Variants in NBPF11 observed in about 807,000 individuals in gnomAD.
NBPF11 encodes NBPF family member NBPF11.
NBPF11 carries 72 observed loss-of-function variants against 93.9 expected under a neutral mutation model. The ratio of observed to expected loss-of-function variants is 0.77; its 90% CI spans 0.63 to 0.93. The LOEUF (loss-of-function observed/expected upper bound fraction) is 0.93, where lower values mean the gene tolerates loss of function less well. Ranked by LOEUF, NBPF11 falls within the 40% of genes least tolerant of loss-of-function variation. The probability of loss-of-function intolerance (pLI) is 0.00; values close to 1 mark genes in which losing one functional copy is unlikely to be tolerated. For synonymous variants in NBPF11, 224 were observed against 304.9 expected (o/e 0.73, Z 2.76); for missense variants, 705 against 802.2 (o/e 0.88, Z 1.46).
intron 4 of NBPF11, chr1:148,129,408 C>T (rs1669909094): frequency 6.6e-6 from 1 of 151,190 alleles, no homozygotes; most frequent in African/African-American, 2.5e-5. Flanking sequence ...ATCGAGCTCT[C>T]CGCCTCCCCC....
At chr1:148,142,088 A>G (rs1460330900) in intron 2 of NBPF11, among the ~76,000 whole-genome samples, 70 of 131,024 alleles carry the variant, frequency 5.3e-4, no homozygotes, top group African/African-American at 2.0e-3. Context: ...AAGGGAGGGA[A>G]GGCAGAAGGG....
Position 148,126,978 on chromosome 1 carries a change from G to C in NBPF11, c.26C>G (p.Ser9Cys), listed in dbSNP as rs1553273320. MVVSAGPWSSEKAEMNILE... is the reference protein window; with the variant it reads MVVSAGPWCSEKAEMNILE... ...AATGTTCATCTCTGCCTTCTCGCTG[G>C]ACCAAGGGCCGGCTGATACCACCAT... Residue 9 changes from serine to cysteine, a missense_variant, in exon 5 of 24, where the codon TCC becomes TGC. By Grantham distance (112) the Ser-to-Cys change is moderately radical. This residue lies in a region of NBPF11 where 128 missense variants were observed against 112.8 expected (regional missense o/e 1.14). Coordinates refer to ENST00000682118, the MANE Select transcript of NBPF11 (RefSeq NM_001385469.3). 6.2e-4 allele frequency: 497 copies of C among 795,758 alleles called. 10 individuals are homozygous for C. Among genetic ancestry groups the C allele is most frequent in the African/African-American group, 2.0e-3 (94 of 45,936 alleles). 49.3% of individuals were successfully genotyped at this position (795,758 alleles called of 1,614,324 possible).
intron 22 of NBPF11, among the ~76,000 whole-genome samples, chr1:148,104,879 T>C (rs1190167844): frequency 1.3e-5 from 2 of 148,938 alleles, no homozygotes; most frequent in East Asian, 3.9e-4. Flanking sequence ...CCCAATATCA[T>C]TTGTCCCAAG....
chr1:148,136,015 C>G (rs1273511108), intron 3 of NBPF11, among the ~76,000 whole-genome samples: 2 of 151,860 alleles, frequency 1.3e-5, no homozygotes, highest in African/African-American at 4.9e-5. Flanking sequence ...GTATCCCATG[C>G]TCATGTCCCT....
At chr1:148,145,198 T>C (rs1383597760) in intron 1 of NBPF11, among the ~76,000 whole-genome samples, 1 of 129,684 alleles carries the variant, frequency 7.7e-6, no homozygotes, top group South Asian at 2.4e-4. Flanking sequence ...TTCTTTTTTC[T>C]TTCTTTTTTT....
rs1435143148 is a variant in NBPF11 at position 148,122,187 on chromosome 1, C to T, written c.646G>A (p.Gly216Ser). Reference protein sequence around the residue: ...ECAITCSNSHGPCDSIQPHKN... With the variant: ...ECAITCSNSHSPCDSIQPHKN... ...TGAGGCTGGATGGAGTCACAAGGGCCGTGGCTATTTGAACAAGTGATGGCA... is the reference window on the plus strand; with the variant it reads ...TGAGGCTGGATGGAGTCACAAGGGCTGTGGCTATTTGAACAAGTGATGGCA... The change falls in exon 9 of 24, where the codon GGC becomes AGC. Residue 216 changes from glycine to serine, a missense_variant. Coordinates refer to ENST00000682118, the MANE Select transcript of NBPF11 (RefSeq NM_001385469.3). 2.7e-5 allele frequency: 43 copies of T among 1,612,574 alleles called. No homozygotes were observed. The highest frequency in any genetic ancestry group is 8.0e-5 in the African/African-American group (6 of 74,650).
At position 148,125,512 on chromosome 1, in the gene NBPF11, C is replaced by A. The variant is rs1174588320; in HGVS notation, c.176-511G>T. On this transcript the variant is annotated intron_variant, in intron 5 of 23. Transcript: ENST00000682118. ...ATGGTTTTAAGAATCATATCTGAAG[C>A]CTAAAGTGTGAGACATAAGACAATA... 1.6e-4 allele frequency among the ~76,000 whole-genome samples: 24 copies of A among 151,776 alleles called. 1 individual carries two copies. The highest frequency in any genetic ancestry group is 5.6e-4 in the African/African-American group (23 of 41,154).
At chr1:148,105,963 GA>G (rs1663502620) in intron 21 of NBPF11, among the ~76,000 whole-genome samples, 1 of 145,184 alleles carries the variant, frequency 6.9e-6, no homozygotes, top group African/African-American at 2.7e-5. Context: ...TACAGTTTTT[GA>G]AGTCTGGTCC....
Position 148,118,543 on chromosome 1 carries a change from A to T in NBPF11, c.1091+77T>A, listed in dbSNP as rs1312738329. ...CTTCCCCTGGCCCAGCTTAGCTCTT[A>T]CGTCTCCCCACTGAGCTACTGTACT... On this transcript the variant is annotated intron_variant, in intron 11 of 23. Transcript: ENST00000682118. The T allele has an allele frequency of 2.8e-6, 4 of 1,408,502 alleles. No homozygotes were observed. The African/African-American group carries it at 5.6e-5, about 20-fold the overall frequency. The allele number at this position is 1,408,502 out of a possible 1,614,324, so 87.3% of individuals were successfully genotyped here.
At chr1:148,139,228 A>G (rs1671819179) in intron 2 of NBPF11, among the ~76,000 whole-genome samples, 1 of 150,932 alleles carries the variant, frequency 6.6e-6, no homozygotes, top group East Asian at 1.9e-4. Flanking sequence ...AAGGTTTGGT[A>G]ACAAATACCA....
At chr1:148,151,530 G>A (rs1230048375) in intron 1 of NBPF11, among the ~76,000 whole-genome samples, 1 of 152,030 alleles carries the variant, frequency 6.6e-6, no homozygotes, top group African/African-American at 2.4e-5. Context: ...TTCTTCCCCA[G>A]CGCCCACGAG....
In NBPF11 at chr1:148,149,099, C is replaced by T. The variant is rs1460453518; in HGVS notation, c.-549+2651G>A. On this transcript the variant is annotated intron_variant, in intron 1 of 23. Coordinates refer to ENST00000682118, the MANE Select transcript of NBPF11 (RefSeq NM_001385469.3). Reference sequence around the variant, plus strand: ...ATCCGGAGCTGGGCCCGGGGACGCCCGCTGGTGGGAAGGGTGCGCGCGCGT... The same window carrying T: ...ATCCGGAGCTGGGCCCGGGGACGCCTGCTGGTGGGAAGGGTGCGCGCGCGT... 22 of 1,473,078 alleles carry T rather than the reference C, an allele frequency of 1.5e-5. No individual in the cohort carries two copies. The African/African-American group carries it at 1.9e-4, about 12-fold the overall frequency. 91.3% of individuals were successfully genotyped at this position (1,473,078 alleles called of 1,614,324 possible). A position where few individuals can be genotyped will look rare whatever the true frequency, so the allele number is the denominator to read the frequency against.
intron 1 of NBPF11, among the ~76,000 whole-genome samples, chr1:148,144,893 C>T (rs1247940177): frequency 6.6e-6 from 1 of 150,772 alleles, no homozygotes; most frequent in Non-Finnish European, 1.5e-5. Flanking sequence ...TACTTGAGCC[C>T]AAGGGTTTGA....
intron 1 of NBPF11, among the ~76,000 whole-genome samples, chr1:148,147,622 C>A (rs1329196044): frequency 5.9e-5 from 9 of 152,106 alleles, no homozygotes; most frequent in African/African-American, 2.2e-4. Flanking sequence ...CCCTGCCCAG[C>A]CCACTGGTCT....
chr1:148,129,231 A>G (rs1467000048), intron 4 of NBPF11, among the ~76,000 whole-genome samples: 2 of 147,048 alleles, frequency 1.4e-5, no homozygotes, highest in Non-Finnish European at 3.0e-5. Flanking sequence ...TATATTATAT[A>G]TACGTGTATA....
chr1:148,122,935 C>A, intron 7 of NBPF11, 134 bp from the exon 8 acceptor site: 2 of 1,525,544 alleles, frequency 1.3e-6, no homozygotes, highest in East Asian at 4.5e-5. Context: ...TTTTATCCTT[C>A]ACAAAATGCC....
In NBPF11 at chr1:148,124,077, G is replaced by C. The variant is rs1452113229; in HGVS notation, c.279-10C>G. The C allele has an allele frequency of 1.6e-4, 258 of 1,606,398 alleles. No individual in the cohort carries two copies. Among genetic ancestry groups the C allele is most frequent in the Non-Finnish European group, 1.9e-4 (228 of 1,175,230 alleles). Reference sequence around the variant, plus strand: ...CAGGACTTTATATTGCCTAAGGTGAGACGGTAGAGAAAATTTAACAGTGAA... The same window carrying C: ...CAGGACTTTATATTGCCTAAGGTGACACGGTAGAGAAAATTTAACAGTGAA... On this transcript the variant is annotated splice_polypyrimidine_tract_variant and intron_variant, in intron 6 of 23. Coordinates refer to ENST00000682118, the MANE Select transcript of NBPF11 (RefSeq NM_001385469.3).
intron 15 of NBPF11, 129 bp downstream of exon 15, chr1:148,114,308 G>A (rs1372602357): frequency 2.6e-5 from 19 of 724,830 alleles, no homozygotes; most frequent in Non-Finnish European, 4.8e-5. Flanking sequence ...ATACAACATT[G>A]TAAATCAGCA....
In NBPF11 at chr1:148,127,036, G is replaced by C; in HGVS notation, c.-33C>G. 1.7e-6 allele frequency: 1 copy of C among 602,658 alleles called. No individual in the cohort carries two copies. Among genetic ancestry groups the C allele is most frequent in the Non-Finnish European group, 2.9e-6 (1 of 348,606 alleles). 37.3% of individuals were successfully genotyped at this position (602,658 alleles called of 1,614,324 possible). A position where few individuals can be genotyped will look rare whatever the true frequency, so the allele number is the denominator to read the frequency against. The stretch of plus-strand genomic sequence containing the variant: ...TTTGTGGCAGAAGAGGTGGAGTCAG[G>C]GACTGGGGAGAAGAAACCCAAACAT... On this transcript the variant is annotated splice_region_variant and 5_prime_UTR_variant, in exon 5 of 24. Transcript: ENST00000682118.
Sources: gnomAD v4.1 joint callset for allele counts (sites outside exome capture counted in the v4.1 genomes callset) on GRCh38, gnomAD v4.1.1 for gene constraint, gnomAD v4.1.1 regional missense constraint, MANE v1.5 for transcripts, NCBI Gene and HGNC (gene_info 2026-07-23, HGNC 2026-07-21) for gene names.